Variants in TENM3 observed in about 807,000 individuals in gnomAD.
TENM3 encodes teneurin-3.
Under a neutral mutation model 255.1 loss-of-function variants are expected in TENM3, and 63 were observed. The observed-to-expected ratio is 0.25, with a 90% confidence interval of 0.20 to 0.30. The LOEUF is 0.30. Among genes scored for constraint, TENM3 ranks in the 10% least tolerant of loss-of-function variants. The probability of loss-of-function intolerance (pLI) is 1.00; values close to 1 mark genes in which losing one functional copy is unlikely to be tolerated. For synonymous variants in TENM3, 1,306 were observed against 1,322.3 expected (o/e 0.99, Z 0.27); for missense variants, 2,929 against 3,461.1 (o/e 0.85, Z 3.86).
the TENM3 span, among the ~76,000 whole-genome samples, chr4:181,746,925 T>A: frequency 6.6e-6 from 1 of 152,148 alleles, no homozygotes; most frequent in African/African-American, 2.4e-5. Context: ...TTCCCATTGA[T>A]GTACCCTTTG....
the TENM3 span, among the ~76,000 whole-genome samples, chr4:181,838,826 A>T: frequency 6.6e-6 from 1 of 151,952 alleles, no homozygotes; most frequent in Non-Finnish European, 1.5e-5. Flanking sequence ...TTTTCAGTGA[A>T]AAAATTGTTG....
chr4:182,346,832 G>A lies in TENM3; in HGVS notation c.414G>A (p.Gly138=), dbSNP rs761052824. 1 of 1,613,302 alleles carries A rather than the reference G, an allele frequency of 6.2e-7. No individual in the cohort carries two copies. The highest frequency in any genetic ancestry group is 8.5e-7 in the Non-Finnish European group (1 of 1,179,648). The change falls in exon 3 of 28, where the codon GGG becomes GGA. Residue 138 remains glycine (G), a synonymous_variant. Coordinates refer to ENST00000511685, the MANE Select transcript of TENM3 (RefSeq NM_001080477.4). ...ATGCCATGAGACTTTGGGGCAGGGG[G>A]GTCAAATCAGGCCGCAGCTCCTGCC... The part of the protein sequence containing the change: ...PEHAMRLWGR[G]VKSGRSSCLS...
At chr4:181,811,852 C>T in the TENM3 span, among the ~76,000 whole-genome samples, 1 of 151,916 alleles carries the variant, frequency 6.6e-6, no homozygotes, top group South Asian at 2.1e-4. Context: ...CAGAGCCAAA[C>T]CACAACACTA....
chr4:181,927,680 A>C, the TENM3 span, among the ~76,000 whole-genome samples: 1 of 152,160 alleles, frequency 6.6e-6, no homozygotes, highest in Non-Finnish European at 1.5e-5. Context: ...CTGCTAAGGG[A>C]CAGACTGACT....
the TENM3 span, among the ~76,000 whole-genome samples, chr4:181,882,239 G>A: frequency 6.6e-6 from 1 of 152,184 alleles, no homozygotes; most frequent in East Asian, 1.9e-4. Flanking sequence ...TAAGGGAGGT[G>A]CAGAATCAAA....
At chr4:181,888,532 A>ATATATATATATATATG in the TENM3 span, among the ~76,000 whole-genome samples, 27 of 78,724 alleles carry the variant, frequency 3.4e-4, no homozygotes, top group African/African-American at 6.4e-4. Context: ...ATATACATAT[A>ATATATATATATATATG]TGTGTATATA....
chr4:181,786,337 C>T, the TENM3 span, among the ~76,000 whole-genome samples: 1 of 152,134 alleles, frequency 6.6e-6, no homozygotes, highest in Non-Finnish European at 1.5e-5. Flanking sequence ...ATAAGACACA[C>T]AAAATGTATT....
chr4:181,592,159 G>C, the TENM3 span, among the ~76,000 whole-genome samples: 1 of 151,926 alleles, frequency 6.6e-6, no homozygotes, highest in Non-Finnish European at 1.5e-5. Context: ...TCATGGTTGC[G>C]TGGGTGCATA....
chr4:182,118,448 T>C, the TENM3 span, among the ~76,000 whole-genome samples: 1 of 152,044 alleles, frequency 6.6e-6, no homozygotes, highest in Non-Finnish European at 1.5e-5. Flanking sequence ...AATTTTATTT[T>C]TTATTTATTT....
At chr4:181,953,881 T>G in the TENM3 span, among the ~76,000 whole-genome samples, 1 of 152,130 alleles carries the variant, frequency 6.6e-6, no homozygotes. Flanking sequence ...AGTACCACAA[T>G]CAAAGTATAG....
At chr4:182,139,139 A>G (rs980662457), upstream of TENM3, among the ~76,000 whole-genome samples, 4 of 152,216 alleles carry the variant, frequency 2.6e-5, no homozygotes, top group African/African-American at 9.7e-5. Flanking sequence ...CCTACACTCC[A>G]AGAGTGCTCA....
chr4:181,772,207 G>A, the TENM3 span, among the ~76,000 whole-genome samples: 66 of 151,992 alleles, frequency 4.3e-4, 2 homozygotes, highest in Middle Eastern at 3.4e-3. Flanking sequence ...GTGAAACACC[G>A]TCTCTACTAA....
intron 3 of TENM3, among the ~76,000 whole-genome samples, chr4:182,500,715 A>T (rs1423500699): frequency 6.6e-6 from 1 of 152,156 alleles, no homozygotes; most frequent in East Asian, 1.9e-4. Context: ...AACACATGAG[A>T]ACATTTATCA....
intron 3 of TENM3, among the ~76,000 whole-genome samples, chr4:182,387,911 C>CTTAGAAACTTTA (rs1447262536): frequency 7.0e-6 from 1 of 143,884 alleles, no homozygotes; most frequent in Non-Finnish European, 1.5e-5. Context: ...CACAATAGGA[C>CTTAGAAACTTTA]TCTGGTTTCT....
At chr4:181,859,251 A>C in the TENM3 span, among the ~76,000 whole-genome samples, 355 of 150,856 alleles carry the variant, frequency 2.4e-3, 5 homozygotes, top group African/African-American at 8.1e-3. Flanking sequence ...TCAAAAAAAA[A>C]AAAAAAAAAA....
chr4:181,533,111 G>A, the TENM3 span, among the ~76,000 whole-genome samples: 1 of 152,208 alleles, frequency 6.6e-6, no homozygotes, highest in African/African-American at 2.4e-5. Context: ...TTTGCTCCTG[G>A]AGAACTCAAT....
chr4:182,388,444 T>A (rs1768162635), intron 3 of TENM3, among the ~76,000 whole-genome samples: 1 of 152,016 alleles, frequency 6.6e-6, no homozygotes, highest in Non-Finnish European at 1.5e-5. Flanking sequence ...ATCCTTATTT[T>A]GTTTAATTCT....
the TENM3 span, among the ~76,000 whole-genome samples, chr4:182,111,189 CTT>C: frequency 1.7e-4 from 14 of 80,532 alleles, no homozygotes; most frequent in African/African-American, 3.7e-4. Context: ...GTCTTCTTCT[CTT>C]TTTTTTTTTT....
At chr4:182,764,529 G>A (rs1311613304) in intron 22 of TENM3, among the ~76,000 whole-genome samples, 1 of 152,210 alleles carries the variant, frequency 6.6e-6, no homozygotes, top group African/African-American at 2.4e-5. Context: ...AACTTACCAA[G>A]GGAGGTAATT....
Sources: allele counts gnomAD v4.1 joint callset (sites outside exome capture counted in the v4.1 genomes callset), GRCh38; gene constraint gnomAD v4.1.1; transcripts MANE v1.5; gene names NCBI Gene and HGNC (gene_info 2026-07-23, HGNC 2026-07-21).